BICD1: variants seen among roughly 807,000 people sequenced by gnomAD.
The protein encoded by BICD1 is protein bicaudal D homolog 1.
BICD1 carries 35 observed loss-of-function variants against 92.5 expected under a neutral mutation model. The observed-to-expected ratio is 0.38, with a 90% CI of 0.29 to 0.50. The LOEUF is 0.50. BICD1 is among the 20% of genes least tolerant of loss of function. The probability of loss-of-function intolerance (pLI) is 0.93; values close to 1 mark genes in which losing one functional copy is unlikely to be tolerated. For missense variants in BICD1, 950 were observed against 1,189.8 expected (o/e 0.80, Z 2.97); for synonymous variants, 429 against 465.1 (o/e 0.92, Z 1.00).
At chr12:32,112,785 A>G (rs1394965932) in intron 1 of BICD1, among the ~76,000 whole-genome samples, 1 of 152,212 alleles carries the variant, frequency 6.6e-6, no homozygotes, top group Non-Finnish European at 1.5e-5. Context: ...ACTGTGTTTA[A>G]TCTCACCAGT....
chr12:32,213,039 T>C (rs1021254366), intron 1 of BICD1, among the ~76,000 whole-genome samples: 1 of 152,214 alleles, frequency 6.6e-6, no homozygotes, highest in African/African-American at 2.4e-5. Flanking sequence ...TACATAATCA[T>C]AGTACAGTGA....
chr12:32,375,067 C>G (rs542566488), intron 9 of BICD1, among the ~76,000 whole-genome samples: 1 of 148,874 alleles, frequency 6.7e-6, no homozygotes, highest in Admixed American at 6.7e-5. Context: ...TACAGGCGCC[C>G]GCCACCACGC....
intron 1 of BICD1, among the ~76,000 whole-genome samples, chr12:32,155,946 C>A (rs1943422572): frequency 6.6e-6 from 1 of 152,186 alleles, no homozygotes. Context: ...ATTCTGCAGA[C>A]CAGCACATAC....
chr12:32,373,367 C>A (rs1189508970), intron 9 of BICD1, among the ~76,000 whole-genome samples: 4 of 152,088 alleles, frequency 2.6e-5, no homozygotes, highest in African/African-American at 9.7e-5. Context: ...ATAATATACA[C>A]CATGTGATTG....
intron 2 of BICD1, among the ~76,000 whole-genome samples, chr12:32,230,634 G>T (rs1945856348): frequency 6.6e-6 from 1 of 152,112 alleles, no homozygotes; most frequent in East Asian, 1.9e-4. Context: ...GATGACATGA[G>T]GTTTAAAGCA....
At chr12:32,141,991 TC>T (rs1942936650) in intron 1 of BICD1, among the ~76,000 whole-genome samples, 1 of 152,150 alleles carries the variant, frequency 6.6e-6, no homozygotes, top group African/African-American at 2.4e-5. Context: ...AAGGTATAAA[TC>T]TTATCAATGT....
rs144792879 is a variant in BICD1, at chr12:32,219,385, T to A, written c.426+2926T>A. The stretch of plus-strand genomic sequence containing the variant: ...GATAGTATGGTGGAAAATGGAAAAA[T>A]TGCTGAATTAGGTATTAGAAAATCA... On this transcript the variant is annotated intron_variant, in intron 2 of 9. Coordinates refer to ENST00000652176, the MANE Select transcript of BICD1 (RefSeq NM_001714.4). Among the ~76,000 whole-genome samples the A allele has an allele frequency of 5.3e-5, 8 of 152,286 alleles. No homozygotes were observed. The South Asian group carries it at 1.7e-3, about 32-fold the overall frequency.
chr12:32,234,326 G>A (rs1419309422), intron 2 of BICD1, among the ~76,000 whole-genome samples: 1 of 152,136 alleles, frequency 6.6e-6, no homozygotes, highest in Non-Finnish European at 1.5e-5. Context: ...GGCAGGGCGT[G>A]GTGGCTCACG....
chr12:32,131,714 C>A (rs1268931795), intron 1 of BICD1, among the ~76,000 whole-genome samples: 2 of 152,256 alleles, frequency 1.3e-5, no homozygotes, highest in African/African-American at 4.8e-5. Context: ...TAAAAAAATT[C>A]CTGATCGTAA....
intron 1 of BICD1, among the ~76,000 whole-genome samples, chr12:32,181,284 G>T (rs980195607): frequency 2.0e-5 from 3 of 151,712 alleles, no homozygotes; most frequent in African/African-American, 7.3e-5. Flanking sequence ...GCTGGGAGTG[G>T]TGGCATGCGC....
At chr12:32,373,068 A>T (rs1202084001) in intron 9 of BICD1, among the ~76,000 whole-genome samples, 2 of 152,134 alleles carry the variant, frequency 1.3e-5, no homozygotes, top group Admixed American at 6.6e-5. Flanking sequence ...CCTTCTATCA[A>T]GTAGTTTTCT....
intron 2 of BICD1, among the ~76,000 whole-genome samples, chr12:32,260,218 C>T (rs970406823): frequency 3.9e-5 from 6 of 152,224 alleles, no homozygotes; most frequent in African/African-American, 1.4e-4. Flanking sequence ...AGCCACCACG[C>T]CCAGCCTCAC....
intron 2 of BICD1, among the ~76,000 whole-genome samples, chr12:32,261,118 C>T (rs558276773): frequency 1.3e-5 from 2 of 152,128 alleles, no homozygotes; most frequent in Admixed American, 6.6e-5. Context: ...ACTTTGTTAC[C>T]GAAGGAGGCC....
At chr12:32,335,183 C>CA (rs1372251603) in intron 6 of BICD1, among the ~76,000 whole-genome samples, 1 of 150,734 alleles carries the variant, frequency 6.6e-6, no homozygotes, top group African/African-American at 2.4e-5. Context: ...CGGAGTCTTA[C>CA]TCTGTTGCCC....
rs143954306 is a variant in BICD1, at chr12:32,287,839, G to A, written c.427-6155G>A. ...GGCATGAGCCACTGTGCCCGGCCTCGGCTGGGTGGTTCTTAAGGACTTGCC... is the reference window on the plus strand; with the variant it reads ...GGCATGAGCCACTGTGCCCGGCCTCAGCTGGGTGGTTCTTAAGGACTTGCC... On this transcript the variant is annotated intron_variant, in intron 2 of 9. Coordinates refer to ENST00000652176, the MANE Select transcript of BICD1 (RefSeq NM_001714.4). Among the ~76,000 whole-genome samples the A allele has an allele frequency of 5.0e-3, 757 of 152,028 alleles. 7 individuals carry two copies. The highest frequency in any genetic ancestry group is 0.017 in the African/African-American group (714 of 41,484).
intron 9 of BICD1, among the ~76,000 whole-genome samples, chr12:32,373,461 T>C (rs1037890582): frequency 6.6e-6 from 1 of 152,186 alleles, no homozygotes; most frequent in East Asian, 1.9e-4. Context: ...GAAAAAAATT[T>C]AAATCATCAC....
chr12:32,342,130 A>ATATATATGTGTG (rs1252585095), intron 8 of BICD1, among the ~76,000 whole-genome samples: 7 of 147,450 alleles, frequency 4.7e-5, no homozygotes, highest in African/African-American at 1.7e-4. Context: ...ATATATGTAT[A>ATATATATGTGTG]TATATATGTG....
At chr12:32,135,955 C>T (rs886930730) in intron 1 of BICD1, among the ~76,000 whole-genome samples, 2 of 152,146 alleles carry the variant, frequency 1.3e-5, no homozygotes, top group Admixed American at 6.6e-5. Flanking sequence ...CTCAGTTCTG[C>T]CTCTTAAATC....
At chr12:32,370,291 T>C (rs1809600) in intron 9 of BICD1, among the ~76,000 whole-genome samples, 77,124 of 151,252 alleles carry the variant, frequency 0.51, 20,698 homozygotes, top group East Asian at 0.73. Context: ...CACTTGAACC[T>C]GGGAGGCGGA....
Sources: allele counts gnomAD v4.1 joint callset (sites outside exome capture counted in the v4.1 genomes callset), GRCh38; gene constraint gnomAD v4.1.1; transcripts MANE v1.5; gene names NCBI Gene and HGNC (gene_info 2026-07-23, HGNC 2026-07-21).